Variants in IPPK observed in about 807,000 individuals in gnomAD.
IPPK encodes the protein inositol-pentakisphosphate 2-kinase.
A neutral mutation model predicts 64.6 loss-of-function variants in IPPK; 22 were observed. That is an observed-to-expected ratio of 0.34 (90% CI 0.24 to 0.49). The LOEUF (loss-of-function observed/expected upper bound fraction) is 0.49. Among genes scored for constraint, IPPK ranks in the 20% least tolerant of loss-of-function variants. The probability of loss-of-function intolerance (pLI) is 0.99; values close to 1 mark genes in which losing one functional copy is unlikely to be tolerated. For missense variants in IPPK, 532 were observed against 630.7 expected (o/e 0.84, Z 1.68); for synonymous variants, 262 against 247.2 (o/e 1.06, Z -0.56).
chr9:92,652,963 C>T (rs556670938), intron 3 of IPPK, among the ~76,000 whole-genome samples: 7 of 152,290 alleles, frequency 4.6e-5, no homozygotes, highest in East Asian at 1.9e-4. Flanking sequence ...GCACCCCTTC[C>T]GAGCCCCCTT....
intron 11 of IPPK, among the ~76,000 whole-genome samples, chr9:92,630,122 G>A (rs192650831): frequency 3.2e-4 from 48 of 152,236 alleles, no homozygotes; most frequent in Admixed American, 2.2e-3. Context: ...GAGCATAATA[G>A]CCAAAAAGAG....
intron 11 of IPPK, among the ~76,000 whole-genome samples, chr9:92,625,371 T>C (rs2131423189): frequency 6.6e-6 from 1 of 152,290 alleles, no homozygotes; most frequent in African/African-American, 2.4e-5. Context: ...CAATTTTACA[T>C]CTAAAAATCT....
intron 10 of IPPK, 133 bp from the exon 11 acceptor site, chr9:92,634,621 A>G: frequency 1.5e-6 from 1 of 656,666 alleles, no homozygotes; most frequent in Non-Finnish European, 2.7e-6. Context: ...TAACAGATCT[A>G]TCTCCCTCAT....
intron 3 of IPPK, among the ~76,000 whole-genome samples, chr9:92,654,977 T>C (rs1852342254): frequency 6.6e-6 from 1 of 152,204 alleles, no homozygotes; most frequent in South Asian, 2.1e-4. Flanking sequence ...GTTCCTCCAG[T>C]ATGTAAGGAG....
chr9:92,627,640 C>T (rs1051556336), intron 11 of IPPK, among the ~76,000 whole-genome samples: 1 of 152,156 alleles, frequency 6.6e-6, no homozygotes, highest in Non-Finnish European at 1.5e-5. Context: ...AGGCATCTAA[C>T]AGAATCCAAC....
intron 1 of IPPK, among the ~76,000 whole-genome samples, chr9:92,662,064 A>G (rs1224344742): frequency 1.3e-5 from 2 of 152,204 alleles, no homozygotes; most frequent in African/African-American, 4.8e-5. Context: ...GGGACTTCAC[A>G]TGAAGGAGTG....
chr9:92,652,540 T>C (rs750220645), intron 4 of IPPK, 33 bp downstream of exon 4: 37 of 1,200,272 alleles, frequency 3.1e-5, no homozygotes, highest in Non-Finnish European at 4.2e-5. Context: ...TATTTTAAAT[T>C]ACAAACAATA....
In IPPK at chr9:92,655,286, G is replaced by A. The variant is rs775939990; in HGVS notation, c.225+1170C>T. Among the ~76,000 whole-genome samples, 6 of 152,308 alleles carry A rather than the reference G, an allele frequency of 3.9e-5. No homozygotes were observed. In the East Asian group the frequency reaches 7.7e-4, roughly 20 times the overall value. On this transcript the variant is annotated intron_variant, in intron 3 of 12. Transcript: ENST00000287996. ...ATGCAGCGACCCTGAGGGGTGCATC[G>A]TCAGCCTGGAATGGGCTCTGCACCT... is the stretch of plus-strand genomic sequence containing the variant.
chr9:92,663,144 A>T (rs1022593259), intron 1 of IPPK, among the ~76,000 whole-genome samples: 1 of 152,240 alleles, frequency 6.6e-6, no homozygotes, highest in South Asian at 2.1e-4. Context: ...CTACCCAATA[A>T]AGACAAAATA....
chr9:92,623,518 G>T (rs998443741), intron 11 of IPPK, among the ~76,000 whole-genome samples: 12 of 151,892 alleles, frequency 7.9e-5, no homozygotes, highest in African/African-American at 2.7e-4. Flanking sequence ...TTGACAAAGG[G>T]CTTCTATCCA....
At chr9:92,618,608 C>T (rs1244453855) in intron 12 of IPPK, 2 of 455,832 alleles carry the variant, frequency 4.4e-6, no homozygotes, top group African/African-American at 4.0e-5. Flanking sequence ...AGGAATTCCT[C>T]ATAACTTAGC....
At position 92,638,119 on chromosome 9, in the gene IPPK, T is replaced by C; in HGVS notation, c.798A>G (p.Thr266=). The part of the protein sequence containing the change: ...AVIRELVHVI[T]RVLLSGSDKG... ...TGTCCGAGCCACTCAGCAGCACCCGTGTGATCACGTGCACCAGCTCCCTGA... is the reference window on the plus strand; with the variant it reads ...TGTCCGAGCCACTCAGCAGCACCCGCGTGATCACGTGCACCAGCTCCCTGA... The change falls in exon 9 of 13, where the codon ACA becomes ACG. Residue 266 remains threonine (T), a synonymous_variant. Coordinates refer to ENST00000287996, the MANE Select transcript of IPPK (RefSeq NM_022755.6). 6.2e-7 allele frequency: 1 copy of C among 1,614,146 alleles called. No individual in the cohort carries two copies. The highest frequency in any genetic ancestry group is 1.1e-5 in the South Asian group (1 of 91,086).
Position 92,613,578 on chromosome 9 carries a change from A to AAACTG in IPPK, c.*2249_*2253dup, listed in dbSNP as rs1441059723. On this transcript the variant is annotated 3_prime_UTR_variant, in exon 13 of 13. Coordinates refer to ENST00000287996, the MANE Select transcript of IPPK (RefSeq NM_022755.6). ...CGGATGCCTATGGCGCCTCATCTTT[A>AAACTG]AACTGTCCTTAGTAGCCCAGGGGAG... is the stretch of plus-strand genomic sequence containing the variant. The AAACTG allele has an allele frequency of 5.2e-6, 1 of 193,006 alleles. No homozygotes were observed. The highest frequency in any genetic ancestry group is 1.1e-5 in the Non-Finnish European group (1 of 91,878). The allele number at this position is 193,006 out of a possible 1,614,324, so 12.0% of individuals were successfully genotyped here. A position where few individuals can be genotyped will look rare whatever the true frequency, so the allele number is the denominator to read the frequency against.
At chr9:92,658,906 C>T (rs1852426449) in intron 1 of IPPK, among the ~76,000 whole-genome samples, 1 of 152,198 alleles carries the variant, frequency 6.6e-6, no homozygotes, top group Non-Finnish European at 1.5e-5. Flanking sequence ...GCCAGCCCCT[C>T]CCAGGACTTT....
intron 11 of IPPK, among the ~76,000 whole-genome samples, chr9:92,632,486 T>G (rs894159522): frequency 7.2e-5 from 11 of 152,244 alleles, no homozygotes; most frequent in African/African-American, 2.7e-4. Flanking sequence ...AATTAAAAAG[T>G]AATCCATACT....
At chr9:92,637,748 A>G (rs981525100) in intron 9 of IPPK, among the ~76,000 whole-genome samples, 8 of 152,250 alleles carry the variant, frequency 5.3e-5, no homozygotes, top group African/African-American at 1.9e-4. Context: ...CAACATATGG[A>G]TGATATTCTG....
At chr9:92,654,910 G>A (rs553260591) in intron 3 of IPPK, among the ~76,000 whole-genome samples, 7 of 152,360 alleles carry the variant, frequency 4.6e-5, no homozygotes, top group South Asian at 2.1e-4. Context: ...GCCAGAGAGC[G>A]TCCAACCTCA....
chr9:92,648,827 C>T (rs919250661), intron 5 of IPPK, among the ~76,000 whole-genome samples: 1 of 152,232 alleles, frequency 6.6e-6, no homozygotes, highest in Non-Finnish European at 1.5e-5. Context: ...CCACCCCCGA[C>T]ATGGGAAGCA....
chr9:92,641,248 G>A (rs1852040377), intron 7 of IPPK, among the ~76,000 whole-genome samples: 1 of 152,172 alleles, frequency 6.6e-6, no homozygotes, highest in Non-Finnish European at 1.5e-5. Flanking sequence ...GCCCCAGGGA[G>A]CCCTCGTCCT....
Sources: gnomAD v4.1 joint callset for allele counts (sites outside exome capture counted in the v4.1 genomes callset) on GRCh38, gnomAD v4.1.1 for gene constraint, MANE v1.5 for transcripts, NCBI Gene and HGNC (gene_info 2026-07-23, HGNC 2026-07-21) for gene names.